The following PTPRD variants were observed in gnomAD, a reference collection of about 807,000 sequenced individuals.
PTPRD encodes receptor-type tyrosine-protein phosphatase delta.
A neutral mutation model predicts 214.5 loss-of-function variants in PTPRD; 34 were observed. That is an observed-to-expected ratio of 0.16 (90% CI 0.12 to 0.21). The LOEUF (loss-of-function observed/expected upper bound fraction) is 0.21. Among genes scored for constraint, PTPRD ranks in the 10% least tolerant of loss-of-function variants. The probability of loss-of-function intolerance (pLI) is 1.00; values close to 1 mark genes in which losing one functional copy is unlikely to be tolerated. For synonymous variants in PTPRD, 1,128 were observed against 845.7 expected (o/e 1.33, Z -5.79); for missense variants, 2,545 against 2,398.7 (o/e 1.06, Z -1.27).
chr9:8,845,678 G>A (rs2097678977), intron 11 of PTPRD, among the ~76,000 whole-genome samples: 1 of 152,182 alleles, frequency 6.6e-6, no homozygotes, highest in South Asian at 2.1e-4. Context: ...TTCAGAAAAT[G>A]TCCACAGCTC....
intron 3 of PTPRD, among the ~76,000 whole-genome samples, chr9:10,143,359 T>C (rs934900085): frequency 1.3e-5 from 2 of 152,130 alleles, no homozygotes; most frequent in Non-Finnish European, 2.9e-5. Context: ...CACAATGAGA[T>C]ATCATCTTAC....
At chr9:8,488,419 CTG>C (rs1350292352) in intron 27 of PTPRD, among the ~76,000 whole-genome samples, 2 of 152,090 alleles carry the variant, frequency 1.3e-5, no homozygotes, top group African/African-American at 2.4e-5. Context: ...AACATGTGTG[CTG>C]TGTTATACAT....
At chr9:8,589,463 A>T (rs1235167754) in intron 14 of PTPRD, among the ~76,000 whole-genome samples, 1 of 152,234 alleles carries the variant, frequency 6.6e-6, no homozygotes, top group Non-Finnish European at 1.5e-5. Context: ...TTCTCAAGAA[A>T]TACAATAAGA....
intron 39 of PTPRD, among the ~76,000 whole-genome samples, chr9:8,353,900 GTATATATGTGTATATATGTA>G: frequency 1.6e-4 from 14 of 87,652 alleles, no homozygotes; most frequent in African/African-American, 4.2e-4. Flanking sequence ...ATGTATATAT[GTATATATGTGTATATATGTA>G]TATATATGTG....
intron 9 of PTPRD, among the ~76,000 whole-genome samples, chr9:9,357,795 T>C (rs1463163182): frequency 6.6e-6 from 1 of 151,314 alleles, no homozygotes; most frequent in Non-Finnish European, 1.5e-5. Context: ...TTGGAATATA[T>C]TTGACATTAT....
At chr9:10,093,579 A>G (rs1473946203) in intron 3 of PTPRD, among the ~76,000 whole-genome samples, 1 of 151,510 alleles carries the variant, frequency 6.6e-6, no homozygotes, top group African/African-American at 2.4e-5. Flanking sequence ...TGACCTAGTA[A>G]TCCCATTACT....
rs1228233868 is a variant in PTPRD at position 9,238,415 on chromosome 9, C to T, written c.-202-55052G>A. 2.0e-5 allele frequency among the ~76,000 whole-genome samples: 3 copies of T among 152,070 alleles called. No individual in the cohort carries two copies. The South Asian group carries it at 6.2e-4, about 32-fold the overall frequency. ...ATTGCTGCAGGGGATACAGACTCCACTTTTTGGAGTTATAGGTGTCTGGGT... is the reference window on the plus strand; with the variant it reads ...ATTGCTGCAGGGGATACAGACTCCATTTTTTGGAGTTATAGGTGTCTGGGT... On this transcript the variant is annotated intron_variant, in intron 9 of 45. Coordinates refer to ENST00000381196, the MANE Select transcript of PTPRD (RefSeq NM_002839.4).
intron 9 of PTPRD, among the ~76,000 whole-genome samples, chr9:9,185,833 C>T (rs1310962385): frequency 1.3e-5 from 2 of 151,562 alleles, no homozygotes; most frequent in Non-Finnish European, 2.9e-5. Flanking sequence ...TTAAAGACAC[C>T]TCTTACAGGT....
chr9:9,261,947 A>T (rs757744254), intron 9 of PTPRD, among the ~76,000 whole-genome samples: 4 of 151,796 alleles, frequency 2.6e-5, no homozygotes, highest in Admixed American at 6.6e-5. Context: ...ACCTACCTGC[A>T]GATAAAGGAA....
At chr9:9,117,934 G>A (rs558706019) in intron 10 of PTPRD, among the ~76,000 whole-genome samples, 218 of 152,094 alleles carry the variant, frequency 1.4e-3, no homozygotes, top group African/African-American at 4.9e-3. Context: ...AAGTTTACAC[G>A]ATGTTGATGC....
At chr9:10,400,267 TTAAG>T (rs1025170422) in intron 2 of PTPRD, among the ~76,000 whole-genome samples, 22 of 151,814 alleles carry the variant, frequency 1.4e-4, no homozygotes, top group African/African-American at 5.3e-4. Flanking sequence ...ATAACAGATA[TTAAG>T]TATTTACAAC....
chr9:8,967,800 C>T (rs543022590), intron 11 of PTPRD, among the ~76,000 whole-genome samples: 7 of 152,194 alleles, frequency 4.6e-5, no homozygotes, highest in African/African-American at 1.7e-4. Flanking sequence ...AAGTGCACAA[C>T]GTGCAGGTGT....
chr9:10,475,357 C>G (rs569160438), intron 2 of PTPRD, among the ~76,000 whole-genome samples: 2 of 152,086 alleles, frequency 1.3e-5, no homozygotes, highest in Non-Finnish European at 2.9e-5. Flanking sequence ...ATTATAAACA[C>G]CTCTACACAA....
chr9:8,930,907 A>C (rs2098948061), intron 11 of PTPRD, among the ~76,000 whole-genome samples: 1 of 152,130 alleles, frequency 6.6e-6, no homozygotes, highest in African/African-American at 2.4e-5. Context: ...CCCATTCTGT[A>C]GGTCGCCTGT....
At chr9:9,442,842 A>C (rs956238165) in intron 8 of PTPRD, among the ~76,000 whole-genome samples, 1 of 152,192 alleles carries the variant, frequency 6.6e-6, no homozygotes, top group Non-Finnish European at 1.5e-5. Context: ...AAAGAAATAA[A>C]GGGAATCTTT....
intron 5 of PTPRD, among the ~76,000 whole-genome samples, chr9:9,870,987 A>G (rs2065263630): frequency 6.6e-6 from 1 of 152,152 alleles, no homozygotes; most frequent in Non-Finnish European, 1.5e-5. Flanking sequence ...AAACTGTTCA[A>G]TTAACAAATT....
intron 10 of PTPRD, among the ~76,000 whole-genome samples, chr9:9,171,821 C>A (rs112273294): frequency 0.017 from 2,620 of 152,100 alleles, 70 homozygotes; most frequent in African/African-American, 0.059. Context: ...TAGAATAAAT[C>A]TCCACAAAAT....
At chr9:9,766,380 G>T (rs932369078) in intron 6 of PTPRD, among the ~76,000 whole-genome samples, 1 of 151,814 alleles carries the variant, frequency 6.6e-6, no homozygotes, top group Non-Finnish European at 1.5e-5. Context: ...TTTTAAATTG[G>T]TTTTAATTCT....
At position 8,636,733 on chromosome 9, in the gene PTPRD, T is replaced by C; in HGVS notation, c.176A>G (p.Lys59Arg). 1 of 1,614,068 alleles carries C rather than the reference T, an allele frequency of 6.2e-7. No individual in the cohort carries two copies. The highest frequency in any genetic ancestry group is 1.1e-5 in the South Asian group (1 of 91,082). ...CTGATTGCTGACTTTCTTTCCTTTT[T>C]TGTTCCAGACAATTTTAGGTCTTGG... ...GDPRPKIVWN[K>R]KGKKVSNQRF... Residue 59 changes from lysine to arginine, a missense_variant, in exon 13 of 46, where the codon AAA becomes AGA. Lys to Arg is a conservative substitution (Grantham distance 26). Transcript: ENST00000381196.
Sources: allele counts gnomAD v4.1 joint callset (sites outside exome capture counted in the v4.1 genomes callset), GRCh38; gene constraint gnomAD v4.1.1; transcripts MANE v1.5; gene names NCBI Gene and HGNC (gene_info 2026-07-23, HGNC 2026-07-21).